AOAH: variants seen among roughly 807,000 people sequenced by gnomAD.
AOAH encodes the protein acyloxyacyl hydrolase (neutrophil).
A neutral mutation model predicts 92.2 loss-of-function variants in AOAH; 64 were observed. That is an observed-to-expected ratio of 0.69 (90% CI 0.57 to 0.86). The LOEUF is 0.86. AOAH is among the 40% of genes least tolerant of loss of function. The pLI is 0.00. For missense variants in AOAH, 656 were observed against 694.6 expected (o/e 0.94, Z 0.62); for synonymous variants, 263 against 254.5 (o/e 1.03, Z -0.32).
chr7:36,531,423 G>A (rs935854672), intron 18 of AOAH, among the ~76,000 whole-genome samples: 6 of 151,972 alleles, frequency 3.9e-5, no homozygotes, highest in South Asian at 4.2e-4. Flanking sequence ...CTTGGCTCAC[G>A]GCAACCTCCG....
intron 13 of AOAH, among the ~76,000 whole-genome samples, chr7:36,553,359 G>A (rs1407343563): frequency 6.6e-6 from 1 of 151,898 alleles, no homozygotes; most frequent in Non-Finnish European, 1.5e-5. Context: ...GTGTATATGT[G>A]CCACATTTTC....
intron 3 of AOAH, among the ~76,000 whole-genome samples, chr7:36,670,004 G>A (rs918671356): frequency 6.6e-6 from 1 of 152,124 alleles, no homozygotes; most frequent in Admixed American, 6.5e-5. Flanking sequence ...CCCTGAAGTA[G>A]CTCCTCCCTG....
At chr7:36,588,096 A>G (rs1486784853) in intron 12 of AOAH, among the ~76,000 whole-genome samples, 2 of 152,258 alleles carry the variant, frequency 1.3e-5, no homozygotes, top group East Asian at 1.9e-4. Context: ...AATCAATTTA[A>G]TAAAATTAAT....
At chr7:36,569,611 CTATCTATCTATT>C (rs1407754289) in intron 13 of AOAH, among the ~76,000 whole-genome samples, 4 of 150,218 alleles carry the variant, frequency 2.7e-5, no homozygotes, top group African/African-American at 4.9e-5. Context: ...ATCTATCTAT[CTATCTATCTATT>C]TTTTAGATGG....
chr7:36,560,219 T>C (rs1366492134), intron 13 of AOAH, among the ~76,000 whole-genome samples: 1 of 152,254 alleles, frequency 6.6e-6, no homozygotes, highest in Non-Finnish European at 1.5e-5. Context: ...ATTCAGGCTT[T>C]TTTTTGGTTC....
chr7:36,578,001 G>A (rs535826171), intron 12 of AOAH, among the ~76,000 whole-genome samples: 8 of 152,308 alleles, frequency 5.3e-5, no homozygotes, highest in Non-Finnish European at 1.2e-4. Flanking sequence ...AGGATGCATA[G>A]AAAATAGTAT....
intron 13 of AOAH, among the ~76,000 whole-genome samples, chr7:36,575,606 AATAAAC>A (rs1354815825): frequency 3.3e-5 from 5 of 152,218 alleles, no homozygotes; most frequent in African/African-American, 7.2e-5. Context: ...GATTAACAGA[AATAAAC>A]ATAAAGTGTT....
At chr7:36,627,202 T>G (rs545766260) in intron 6 of AOAH, among the ~76,000 whole-genome samples, 10 of 152,300 alleles carry the variant, frequency 6.6e-5, no homozygotes, top group African/African-American at 2.4e-4. Flanking sequence ...ACTATAGTCC[T>G]GGGTGAAAAA....
chr7:36,541,901 C>A (rs142908590), intron 15 of AOAH, among the ~76,000 whole-genome samples: 1 of 152,302 alleles, frequency 6.6e-6, no homozygotes, highest in East Asian at 1.9e-4. Flanking sequence ...GAGTTTTCAT[C>A]TACTCTTTAC....
chr7:36,556,223 G>C (rs1195188974), intron 13 of AOAH, among the ~76,000 whole-genome samples: 1 of 152,018 alleles, frequency 6.6e-6, no homozygotes, highest in African/African-American at 2.4e-5. Flanking sequence ...CTTTATTTCT[G>C]CCTTCATTTC....
intron 4 of AOAH, among the ~76,000 whole-genome samples, chr7:36,651,043 G>C (rs1389581606): frequency 1.3e-5 from 2 of 152,196 alleles, no homozygotes; most frequent in East Asian, 3.9e-4. Context: ...CGCAGGCGAG[G>C]TGGAGTGTGC....
At chr7:36,561,563 G>A (rs766692354) in intron 13 of AOAH, among the ~76,000 whole-genome samples, 2 of 149,442 alleles carry the variant, frequency 1.3e-5, no homozygotes, top group East Asian at 4.0e-4. Context: ...TTGATCTTGC[G>A]GTGGCACACG....
At chr7:36,537,023 G>T (rs561064022) in intron 16 of AOAH, among the ~76,000 whole-genome samples, 1 of 145,104 alleles carries the variant, frequency 6.9e-6, no homozygotes, top group Non-Finnish European at 1.5e-5. Context: ...CTGTCATCTT[G>T]TGTGAGTGAT....
chr7:36,631,562 A>G (rs1246178699), intron 6 of AOAH, among the ~76,000 whole-genome samples: 3 of 152,202 alleles, frequency 2.0e-5, no homozygotes, highest in African/African-American at 7.2e-5. Context: ...TCACAACCCT[A>G]TTCCTATGTA....
intron 12 of AOAH, among the ~76,000 whole-genome samples, chr7:36,576,867 G>A (rs186770010): frequency 1.1e-4 from 16 of 152,242 alleles, no homozygotes; most frequent in African/African-American, 2.2e-4. Flanking sequence ...TATGGGTGTC[G>A]TAAGAATACT....
At chr7:36,615,194 T>C (rs1032033108) in intron 11 of AOAH, among the ~76,000 whole-genome samples, 12 of 152,202 alleles carry the variant, frequency 7.9e-5, no homozygotes, top group African/African-American at 2.7e-4. Flanking sequence ...TCCATCTGCA[T>C]AGGAGTTCAG....
At chr7:36,568,239 A>T (rs993339886) in intron 13 of AOAH, among the ~76,000 whole-genome samples, 2 of 152,206 alleles carry the variant, frequency 1.3e-5, no homozygotes, top group African/African-American at 4.8e-5. Flanking sequence ...TGCCTTCCCC[A>T]CTGATAACAG....
intron 1 of AOAH, among the ~76,000 whole-genome samples, chr7:36,714,396 G>A (rs1169602433): frequency 6.6e-6 from 1 of 152,196 alleles, no homozygotes; most frequent in African/African-American, 2.4e-5. Context: ...TCTACCAGAG[G>A]TACGAGGAGG....
At chr7:36,655,425 G>A (rs1211262387) in intron 4 of AOAH, among the ~76,000 whole-genome samples, 2 of 141,754 alleles carry the variant, frequency 1.4e-5, no homozygotes, top group Non-Finnish European at 3.1e-5. Context: ...GGTGATCTGG[G>A]TAGAGGGAAT....
Sources: gnomAD v4.1 joint callset for allele counts (sites outside exome capture counted in the v4.1 genomes callset) on GRCh38, gnomAD v4.1.1 for gene constraint, MANE v1.5 for transcripts, NCBI Gene and HGNC (gene_info 2026-07-23, HGNC 2026-07-21) for gene names.